The following SETBP1 variants were observed in gnomAD, a reference collection of about 807,000 sequenced individuals.
SETBP1 encodes SET-binding protein.
In SETBP1, 9 loss-of-function variants were observed where a neutral mutation model predicts 101.0. The observed-to-expected ratio is 0.09, with a 90% confidence interval of 0.05 to 0.16. SETBP1 has a LOEUF of 0.16. Among genes scored for constraint, SETBP1 ranks in the 10% least tolerant of loss-of-function variants. The pLI is 1.00. For missense variants in SETBP1, 1,858 were observed against 2,033.8 expected (o/e 0.91, Z 1.66); for synonymous variants, 818 against 788.5 (o/e 1.04, Z -0.63).
At chr18:44,702,704 G>C (rs1047615237) in intron 2 of SETBP1, among the ~76,000 whole-genome samples, 3 of 152,140 alleles carry the variant, frequency 2.0e-5, no homozygotes, top group Non-Finnish European at 2.9e-5. Flanking sequence ...ATCTTCCTAA[G>C]ATGAATTACT....
chr18:44,905,870 A>C (rs1374510393), intron 3 of SETBP1, among the ~76,000 whole-genome samples: 2 of 152,164 alleles, frequency 1.3e-5, no homozygotes, highest in Non-Finnish European at 2.9e-5. Flanking sequence ...ACCTTTGGAA[A>C]ACTCTTTCCA....
chr18:44,879,102 C>T (rs1402494293), intron 3 of SETBP1, among the ~76,000 whole-genome samples: 46 of 152,310 alleles, frequency 3.0e-4, no homozygotes, highest in Non-Finnish European at 4.4e-5. Context: ...GCCAATGATA[C>T]ATGGAGGGGA....
At chr18:44,725,321 C>T (rs2069683257) in intron 2 of SETBP1, among the ~76,000 whole-genome samples, 1 of 152,154 alleles carries the variant, frequency 6.6e-6, no homozygotes, top group South Asian at 2.1e-4. Context: ...GTGATTCCTG[C>T]ACTAAGTCTG....
intron 4 of SETBP1, among the ~76,000 whole-genome samples, chr18:45,001,274 T>G (rs968544541): frequency 3.3e-5 from 5 of 152,160 alleles, no homozygotes; most frequent in Admixed American, 2.0e-4. Flanking sequence ...ATCTGTAAAA[T>G]GAGGGCAATA....
chr18:44,849,020 C>T (rs781280568), intron 2 of SETBP1, among the ~76,000 whole-genome samples: 5 of 152,162 alleles, frequency 3.3e-5, no homozygotes, highest in Non-Finnish European at 7.4e-5. Context: ...TCCACCTGCT[C>T]TCCCCATTCT....
chr18:44,956,121 T>C (rs1028199006), intron 4 of SETBP1, among the ~76,000 whole-genome samples: 12 of 152,188 alleles, frequency 7.9e-5, no homozygotes, highest in Non-Finnish European at 1.5e-5. Context: ...GCTACATCTA[T>C]ATGAGCTATG....
intron 2 of SETBP1, among the ~76,000 whole-genome samples, chr18:44,841,171 G>A (rs1434191333): frequency 6.6e-6 from 1 of 152,204 alleles, no homozygotes; most frequent in Non-Finnish European, 1.5e-5. Flanking sequence ...CAAGGAAGAT[G>A]TTGGCCATGG....
intron 3 of SETBP1, among the ~76,000 whole-genome samples, chr18:44,926,566 C>A (rs1340712874): frequency 6.6e-6 from 1 of 152,042 alleles, no homozygotes; most frequent in Non-Finnish European, 1.5e-5. Context: ...AATGCCATTC[C>A]CAGAAGTGCC....
At chr18:44,920,415 A>G (rs1037669212) in intron 3 of SETBP1, among the ~76,000 whole-genome samples, 6 of 152,184 alleles carry the variant, frequency 3.9e-5, no homozygotes, top group African/African-American at 7.2e-5. Flanking sequence ...TTTTTGCTCA[A>G]AAAATATTTG....
intron 3 of SETBP1, among the ~76,000 whole-genome samples, chr18:44,872,514 A>G (rs967533842): frequency 1.3e-5 from 2 of 152,196 alleles, no homozygotes; most frequent in African/African-American, 4.8e-5. Flanking sequence ...TGTTAGTACC[A>G]TCATTCATTT....
chr18:44,933,587 C>T (rs1045785322), intron 3 of SETBP1, among the ~76,000 whole-genome samples: 7 of 152,174 alleles, frequency 4.6e-5, no homozygotes, highest in Admixed American at 6.5e-5. Context: ...CCTTGAGCTC[C>T]GTGGGCTCCA....
intron 2 of SETBP1, among the ~76,000 whole-genome samples, chr18:44,861,539 A>G (rs983287436): frequency 3.9e-5 from 6 of 152,112 alleles, no homozygotes; most frequent in African/African-American, 7.2e-5. Flanking sequence ...TAGATACAAC[A>G]TGGACAACCT....
intron 4 of SETBP1, among the ~76,000 whole-genome samples, chr18:45,001,261 C>T (rs1480699860): frequency 4.6e-5 from 7 of 152,054 alleles, no homozygotes; most frequent in Non-Finnish European, 1.5e-5. Flanking sequence ...AGCCTGTTTC[C>T]CCATCTGTAA....
intron 2 of SETBP1, among the ~76,000 whole-genome samples, chr18:44,742,823 T>C (rs1394929064): frequency 6.6e-6 from 1 of 152,096 alleles, no homozygotes; most frequent in Admixed American, 6.6e-5. Flanking sequence ...AGGTCTGTGT[T>C]TGGGTTAATT....
intron 2 of SETBP1, among the ~76,000 whole-genome samples, chr18:44,814,308 A>G (rs184416703): frequency 5.3e-5 from 8 of 152,344 alleles, no homozygotes; most frequent in Admixed American, 4.6e-4. Flanking sequence ...TGTGGTAGAA[A>G]TGGAGGTTGC....
intron 1 of SETBP1, among the ~76,000 whole-genome samples, chr18:44,700,139 CT>C (rs1405765402): frequency 1.3e-5 from 2 of 152,084 alleles, no homozygotes; most frequent in Non-Finnish European, 2.9e-5. Flanking sequence ...TTTGGGCTTC[CT>C]TTTGGGCTTT....
At chr18:45,021,988 G>A (rs931601721) in intron 4 of SETBP1, among the ~76,000 whole-genome samples, 1 of 152,146 alleles carries the variant, frequency 6.6e-6, no homozygotes, top group African/African-American at 2.4e-5. Flanking sequence ...TAGGGCACAC[G>A]AGTTAACTAT....
In SETBP1 at chr18:45,063,363, G is replaced by A; in HGVS notation, c.4456G>A (p.Gly1486Ser). ...EKCIDLPSKR[G>S]QKPSLSPLVL... The stretch of plus-strand genomic sequence containing the variant: ...ATGCATCGACCTGCCCAGCAAAAGA[G>A]GCCAGAAGCCCAGCCTGAGCCCGCT... Residue 1486 changes from glycine to serine, a missense_variant, in exon 6 of 6, where the codon GGC (glycine) becomes AGC (serine). Gly to Ser is a moderately conservative substitution (Grantham distance 56, BLOSUM62 0). This residue lies in a region of SETBP1 where 178 missense variants were observed against 189.1 expected (regional missense o/e 0.94). Coordinates refer to ENST00000649279, the MANE Select transcript of SETBP1 (RefSeq NM_015559.3). 1 of 1,572,474 alleles carries A rather than the reference G, an allele frequency of 6.4e-7. No homozygotes were observed. The highest frequency in any genetic ancestry group is 8.6e-7 in the Non-Finnish European group (1 of 1,159,700).
intron 2 of SETBP1, among the ~76,000 whole-genome samples, chr18:44,791,291 A>C (rs62090584): frequency 6.6e-6 from 1 of 152,180 alleles, no homozygotes; most frequent in East Asian, 1.9e-4. Flanking sequence ...ACAATGATTC[A>C]GTCCCAAATG....
Sources: allele counts gnomAD v4.1 joint callset (sites outside exome capture counted in the v4.1 genomes callset), GRCh38; gene constraint gnomAD v4.1.1; regional missense constraint gnomAD v4.1.1; transcripts MANE v1.5; gene names NCBI Gene and HGNC (gene_info 2026-07-23, HGNC 2026-07-21).